BPI: variants seen among roughly 807,000 people sequenced by gnomAD.
BPI encodes bactericidal permeability increasing protein, also known as bactericidal permeability-increasing protein.
Under a neutral mutation model 57.6 loss-of-function variants are expected in BPI, and 48 were observed. The ratio of observed to expected loss-of-function variants is 0.83; its 90% CI spans 0.66 to 1.06. BPI has a LOEUF of 1.06. Ranked by LOEUF, BPI falls within the 50% of genes least tolerant of loss-of-function variation. The pLI, the probability that BPI is intolerant of heterozygous loss-of-function variation, is 0.00. For missense variants in BPI, 651 were observed against 609.7 expected (o/e 1.07, Z -0.71); for synonymous variants, 237 against 238.2 (o/e 0.99, Z 0.05).
At chr20:38,312,779 G>A (rs1000918767) in intron 5 of BPI, among the ~76,000 whole-genome samples, 3 of 152,170 alleles carry the variant, frequency 2.0e-5, no homozygotes, top group African/African-American at 7.2e-5. Context: ...CAGATGGGGG[G>A]CATCAATCAA....
intron 6 of BPI, among the ~76,000 whole-genome samples, chr20:38,318,719 AC>A (rs913399654): frequency 6.6e-6 from 1 of 152,178 alleles, no homozygotes; most frequent in Non-Finnish European, 1.5e-5. Context: ...CAAGGGCCAA[AC>A]AACAAAATAC....
intron 5 of BPI, among the ~76,000 whole-genome samples, chr20:38,316,394 C>A (rs2076652151): frequency 6.6e-6 from 1 of 152,224 alleles, no homozygotes; most frequent in Admixed American, 6.5e-5. Flanking sequence ...ACCAGTAGGA[C>A]ACACAGGGAC....
intron 1 of BPI, among the ~76,000 whole-genome samples, chr20:38,304,777 C>T (rs1228401084): frequency 1.3e-5 from 2 of 152,202 alleles, no homozygotes; most frequent in Non-Finnish European, 2.9e-5. Context: ...CTCCCCACTG[C>T]AGGGGCTGGC....
chr20:38,336,124 C>T (rs1600716432), intron 14 of BPI, among the ~76,000 whole-genome samples: 4 of 152,132 alleles, frequency 2.6e-5, no homozygotes, highest in Non-Finnish European at 2.9e-5. Context: ...GGCTGACTTC[C>T]GTCTGCATTT....
intron 1 of BPI, among the ~76,000 whole-genome samples, chr20:38,307,291 G>C (rs6014655): frequency 6.6e-6 from 1 of 152,156 alleles, no homozygotes; most frequent in Non-Finnish European, 1.5e-5. Flanking sequence ...AGTGTTATTG[G>C]AATACAGGCA....
At chr20:38,328,776 C>T (rs144934778) in intron 11 of BPI, among the ~76,000 whole-genome samples, 3 of 151,614 alleles carry the variant, frequency 2.0e-5, no homozygotes, top group Non-Finnish European at 2.9e-5. Flanking sequence ...GTGGGAGGAT[C>T]GCCTGAGCCC....
intron 12 of BPI, among the ~76,000 whole-genome samples, chr20:38,333,972 G>A (rs1437296395): frequency 2.0e-5 from 3 of 150,454 alleles, no homozygotes; most frequent in East Asian, 1.9e-4. Context: ...GCCTCCCAAA[G>A]CACTGCTGTT....
At chr20:38,325,281 C>T (rs1240368536) in intron 9 of BPI, among the ~76,000 whole-genome samples, 1 of 145,534 alleles carries the variant, frequency 6.9e-6, no homozygotes, top group Admixed American at 6.8e-5. Context: ...GTCAAGGACG[C>T]CTCTGTCTTT....
At chr20:38,307,798 C>G (rs776000656) in intron 2 of BPI, 117 bp downstream of exon 2, 3 of 871,128 alleles carry the variant, frequency 3.4e-6, no homozygotes, top group Middle Eastern at 2.8e-4. Flanking sequence ...TATCCCAAAG[C>G]CTGCATTTAC....
rs1251310217 is a variant in BPI at position 38,310,425 on chromosome 20, G to C, written c.375-66G>C. 3.8e-6 allele frequency: 6 copies of C among 1,568,340 alleles called. No individual in the cohort carries two copies. The Admixed American group carries it at 8.6e-5, about 22-fold the overall frequency. ...ATAACAAAACCCGCCTTCCAGCACT[G>C]GGGCAAAGTTTGAATGTCAGTGGGA... On this transcript the variant is annotated intron_variant, in intron 3 of 14. Coordinates refer to ENST00000642449, the MANE Select transcript of BPI (RefSeq NM_001725.3).
At chr20:38,332,629 C>T (rs947169021) in intron 12 of BPI, among the ~76,000 whole-genome samples, 4 of 152,028 alleles carry the variant, frequency 2.6e-5, no homozygotes, top group Non-Finnish European at 5.9e-5. Flanking sequence ...GTCCAGGTGA[C>T]TTCTAGGGTT....
rs1004648486 is a variant in BPI at position 38,309,004 on chromosome 20, T to A, written c.320T>A (p.Ile107Asn). 1.2e-6 allele frequency: 2 copies of A among 1,614,100 alleles called. No individual in the cohort carries two copies. Among genetic ancestry groups the A allele is most frequent in the Non-Finnish European group, 1.7e-6 (2 of 1,180,050 alleles). Residue 107 changes from isoleucine (I) to asparagine (N), a missense_variant, in exon 3 of 15, where the codon ATC (isoleucine) becomes AAC (asparagine). Physicochemically the swap from Ile to Asn is moderately radical, Grantham distance 149. Transcript: ENST00000642449. ...MVPNVGLKFS[I>N]SNANIKISGK... ...CCCAATGTGGGCCTTAAGTTCTCCATCAGCAACGCCAATATCAAGATCAGC... is the reference window on the plus strand; with the variant it reads ...CCCAATGTGGGCCTTAAGTTCTCCAACAGCAACGCCAATATCAAGATCAGC...
At position 38,314,103 on chromosome 20, in the gene BPI, G is replaced by T. The variant is rs147149201; in HGVS notation, c.600+2166G>T. Among the ~76,000 whole-genome samples the T allele has an allele frequency of 1.1e-3, 163 of 151,368 alleles. 1 individual carries two copies. The highest frequency in any genetic ancestry group is 3.8e-3 in the African/African-American group (158 of 41,286). Reference sequence around the variant, plus strand: ...TGATGGTGATGGGATGATGATGGTGGTGATGGTAATGGTGGGGAAGATGAT... The same window carrying T: ...TGATGGTGATGGGATGATGATGGTGTTGATGGTAATGGTGGGGAAGATGAT... On this transcript the variant is annotated intron_variant, in intron 5 of 14. Transcript: ENST00000642449.
intron 1 of BPI, among the ~76,000 whole-genome samples, chr20:38,305,289 TG>T (rs2076591772): frequency 6.6e-6 from 1 of 152,096 alleles, no homozygotes; most frequent in Non-Finnish European, 1.5e-5. Flanking sequence ...GGAAGGAGTA[TG>T]GCCCTGAAGC....
chr20:38,334,627 C>A, intron 13 of BPI, 134 bp downstream of exon 13: 1 of 847,158 alleles, frequency 1.2e-6, no homozygotes, highest in Non-Finnish European at 2.0e-6. Flanking sequence ...CTTCAAATGG[C>A]ATCTGACCCA....
chr20:38,321,111 G>A (rs1445569301), intron 7 of BPI, among the ~76,000 whole-genome samples: 3 of 129,590 alleles, frequency 2.3e-5, no homozygotes, highest in Non-Finnish European at 4.9e-5. Flanking sequence ...ATGAGTGGGC[G>A]GGTAGGTGGA....
chr20:38,319,066 C>T (rs574422036), intron 6 of BPI, among the ~76,000 whole-genome samples: 1 of 152,216 alleles, frequency 6.6e-6, no homozygotes, highest in South Asian at 2.1e-4. Flanking sequence ...GAAACCCTGT[C>T]CCTACTAAAA....
chr20:38,316,872 T>A (rs531137426), intron 5 of BPI, among the ~76,000 whole-genome samples: 3 of 152,160 alleles, frequency 2.0e-5, no homozygotes, highest in Admixed American at 2.0e-4. Flanking sequence ...TGGGGATGCC[T>A]GAAATGGCTC....
At chr20:38,330,232 G>A (rs1427926386) in intron 11 of BPI, among the ~76,000 whole-genome samples, 6 of 151,976 alleles carry the variant, frequency 3.9e-5, no homozygotes, top group Non-Finnish European at 5.9e-5. Context: ...GAGCTAGTGA[G>A]ACCCCATCTC....
Sources: allele counts gnomAD v4.1 joint callset (sites outside exome capture counted in the v4.1 genomes callset), GRCh38; gene constraint gnomAD v4.1.1; transcripts MANE v1.5; gene names NCBI Gene and HGNC (gene_info 2026-07-23, HGNC 2026-07-21).